Variants in POMP observed in about 807,000 individuals in gnomAD.
POMP encodes proteasome maturation protein, also known as 2510048O06Rik.
In POMP, 12 loss-of-function variants were observed where a neutral mutation model predicts 20.6. The ratio of observed to expected loss-of-function variants is 0.58; its 90% CI spans 0.37 to 0.94. The LOEUF is 0.94. POMP is among the 40% of genes least tolerant of loss of function. The probability of loss-of-function intolerance (pLI) is 0.01; values close to 1 mark genes in which losing one functional copy is unlikely to be tolerated. For missense variants in POMP, 136 were observed against 161.1 expected, an observed-to-expected ratio of 0.84 and a Z score of 0.84; for synonymous variants, 53 against 55.0, an observed-to-expected ratio of 0.96 and a Z score of 0.16.
intron 1 of POMP, 38 bp downstream of exon 1, chr13:28,659,225 C>G (rs757936789): frequency 6.3e-7 from 1 of 1,576,750 alleles, no homozygotes; most frequent in Non-Finnish European, 8.6e-7. Flanking sequence ...TCCACGCGGG[C>G]TCGGGACCGT....
chr13:28,664,600 C>T (rs1205195322), intron 3 of POMP, 31 bp downstream of exon 3: 2 of 1,232,692 alleles, frequency 1.6e-6, no homozygotes, highest in South Asian at 1.3e-5. Context: ...TTATTTTTAT[C>T]TTCTAATAGA....
At position 28,678,217 on chromosome 13, in the gene POMP, G is replaced by GT. The variant is rs1839374378; in HGVS notation, c.*116dup. 8 of 1,044,570 alleles carry GT rather than the reference G, an allele frequency of 7.7e-6. No individual in the cohort carries two copies. The South Asian group carries it at 1.0e-4, about 14-fold the overall frequency. 64.7% of individuals were successfully genotyped at this position (1,044,570 alleles called of 1,614,324 possible). ...ACACCTGAGAATTTCTGCTCAAGTA[G>GT]TATCAGTGATCATTTAAAATTTGGA... On this transcript the variant is annotated 3_prime_UTR_variant, in exon 6 of 6. Transcript: ENST00000380842.
chr13:28,674,755 C>T (rs1261489908), intron 5 of POMP, among the ~76,000 whole-genome samples: 1 of 152,176 alleles, frequency 6.6e-6, no homozygotes, highest in African/African-American at 2.4e-5. Flanking sequence ...AGGTCACTAG[C>T]TGGCTGGATG....
At chr13:28,670,804 T>C (rs1466265035) in intron 4 of POMP, among the ~76,000 whole-genome samples, 1 of 152,190 alleles carries the variant, frequency 6.6e-6, no homozygotes, top group Non-Finnish European at 1.5e-5. Context: ...CCCAGCACTT[T>C]GGGAGGCCGA....
At chr13:28,668,965 T>G (rs762295403) in intron 4 of POMP, among the ~76,000 whole-genome samples, 19 of 152,150 alleles carry the variant, frequency 1.2e-4, no homozygotes, top group Non-Finnish European at 2.2e-4. Context: ...AGAACCACCC[T>G]CCTACCTGTG....
intron 5 of POMP, among the ~76,000 whole-genome samples, chr13:28,676,899 C>G (rs970618642): frequency 1.3e-5 from 2 of 152,176 alleles, no homozygotes; most frequent in Admixed American, 1.3e-4. Context: ...ACAACAGATG[C>G]AAAACCCGTC....
At chr13:28,665,746 C>T (rs922069348) in intron 3 of POMP, among the ~76,000 whole-genome samples, 6 of 152,176 alleles carry the variant, frequency 3.9e-5, no homozygotes, top group African/African-American at 1.4e-4. Flanking sequence ...AATTTTAGTT[C>T]ACTCTTTTAC....
At chr13:28,677,931 C>A in intron 5 of POMP, 104 bp from the exon 6 acceptor site, 1 of 1,208,786 alleles carries the variant, frequency 8.3e-7, no homozygotes, top group Admixed American at 1.8e-5. Flanking sequence ...TTTTCTATAA[C>A]TTTAGGTTAG....
At chr13:28,667,606 ATC>A (rs963227175) in intron 3 of POMP, among the ~76,000 whole-genome samples, 2 of 152,170 alleles carry the variant, frequency 1.3e-5, no homozygotes, top group African/African-American at 4.8e-5. Flanking sequence ...GTAGGTGCTA[ATC>A]TCTCAATAGA....
chr13:28,660,649 T>G (rs1884321413), intron 1 of POMP, among the ~76,000 whole-genome samples: 1 of 152,196 alleles, frequency 6.6e-6, no homozygotes, highest in Non-Finnish European at 1.5e-5. Context: ...AGGTTGGTGC[T>G]TTGCTGGCAG....
intron 5 of POMP, among the ~76,000 whole-genome samples, chr13:28,674,320 G>A (rs566786755): frequency 2.3e-3 from 347 of 152,332 alleles, no homozygotes; most frequent in African/African-American, 8.0e-3. Flanking sequence ...GTAAGGTGAA[G>A]CCTTGTACAT....
chr13:28,675,640 G>C (rs1362550488), intron 5 of POMP, among the ~76,000 whole-genome samples: 1 of 152,146 alleles, frequency 6.6e-6, no homozygotes, highest in Non-Finnish European at 1.5e-5. Flanking sequence ...TACTCAGAGA[G>C]TCCTCCGTTA....
intron 3 of POMP, among the ~76,000 whole-genome samples, chr13:28,666,913 G>A (rs1003953184): frequency 2.0e-5 from 3 of 152,132 alleles, no homozygotes; most frequent in East Asian, 3.9e-4. Flanking sequence ...GGGGGATGGG[G>A]GGATGTAATA....
intron 1 of POMP, among the ~76,000 whole-genome samples, chr13:28,661,609 A>T (rs180757632): frequency 1.9e-3 from 294 of 152,376 alleles, no homozygotes; most frequent in African/African-American, 6.3e-3. Flanking sequence ...CCTGACACAT[A>T]GTAGATGGCT....
rs570293774 is a variant in POMP at position 28,659,154 on chromosome 13, G to A, written c.-31G>A. ...CGGCGGGGTCGACTGACGGTAACGGGGCAGAGAGGCTGTTCGCAGAGCTGC... is the reference window on the plus strand; with the variant it reads ...CGGCGGGGTCGACTGACGGTAACGGAGCAGAGAGGCTGTTCGCAGAGCTGC... On this transcript the variant is annotated 5_prime_UTR_variant, in exon 1 of 6. Transcript: ENST00000380842. The A allele has an allele frequency of 1.9e-6, 3 of 1,580,428 alleles. No homozygotes were observed. Among genetic ancestry groups the A allele is most frequent in the Non-Finnish European group, 2.6e-6 (3 of 1,164,042 alleles).
intron 3 of POMP, among the ~76,000 whole-genome samples, chr13:28,668,265 T>C (rs1884481070): frequency 6.6e-6 from 1 of 152,216 alleles, no homozygotes; most frequent in Admixed American, 6.5e-5. Context: ...AATTTTACTC[T>C]GGTAAAAGTA....
intron 5 of POMP, among the ~76,000 whole-genome samples, chr13:28,674,082 A>C (rs1284294210): frequency 6.6e-6 from 1 of 152,252 alleles, no homozygotes; most frequent in East Asian, 1.9e-4. Context: ...AGAAGAGATG[A>C]GTATGTTCAG....
chr13:28,664,099 T>A (rs182099288), intron 2 of POMP, among the ~76,000 whole-genome samples: 2 of 152,192 alleles, frequency 1.3e-5, no homozygotes, highest in Admixed American at 6.5e-5. Context: ...ATTAAAGATA[T>A]ATTAAATATT....
intron 2 of POMP, among the ~76,000 whole-genome samples, chr13:28,663,254 T>C (rs1290481263): frequency 6.6e-6 from 1 of 152,200 alleles, no homozygotes; most frequent in Non-Finnish European, 1.5e-5. Context: ...AAACATTTTG[T>C]GTTTTGAATT....
Sources: gnomAD v4.1 joint callset for allele counts (sites outside exome capture counted in the v4.1 genomes callset) on GRCh38, gnomAD v4.1.1 for gene constraint, MANE v1.5 for transcripts, NCBI Gene and HGNC (gene_info 2026-07-23, HGNC 2026-07-21) for gene names.